The following EFCAB14 variants were observed in gnomAD, a reference collection of about 807,000 sequenced individuals.
EFCAB14 encodes EF-hand calcium-binding domain-containing protein 14.
A neutral mutation model predicts 56.5 loss-of-function variants in EFCAB14; 43 were observed. The ratio of observed to expected loss-of-function variants is 0.76; its 90% CI spans 0.60 to 0.98. The LOEUF is 0.98. EFCAB14 is among the 50% of genes least tolerant of loss of function. The pLI is 0.00. For missense variants in EFCAB14, 538 were observed against 580.3 expected, an observed-to-expected ratio of 0.93 and a Z score of 0.75; for synonymous variants, 235 against 212.9, an observed-to-expected ratio of 1.10 and a Z score of -0.90.
intron 5 of EFCAB14, among the ~76,000 whole-genome samples, chr1:46,690,368 T>C (rs920903390): frequency 3.9e-5 from 6 of 152,160 alleles, no homozygotes; most frequent in Admixed American, 3.3e-4. Flanking sequence ...GCACAAAGAA[T>C]GACAGTAGGA....
chr1:46,686,896 A>G (rs758174471), intron 7 of EFCAB14, 26 bp from the exon 8 acceptor site: 2 of 1,606,918 alleles, frequency 1.2e-6, no homozygotes, highest in Non-Finnish European at 1.7e-6. Flanking sequence ...AAAAACAAAC[A>G]AACAAAGGGA....
intron 2 of EFCAB14, among the ~76,000 whole-genome samples, chr1:46,712,947 G>C (rs1194057913): frequency 6.6e-6 from 1 of 152,010 alleles, no homozygotes; most frequent in Non-Finnish European, 1.5e-5. Context: ...CTGGGAGTTA[G>C]AGGTTGCAGT....
At chr1:46,697,237 C>T (rs17102444) in intron 3 of EFCAB14, among the ~76,000 whole-genome samples, 4,602 of 152,300 alleles carry the variant, frequency 0.03, 203 homozygotes, top group African/African-American at 0.1. Context: ...CAGAGCACTA[C>T]TTTGTATCCT....
Position 46,712,635 on chromosome 1 carries a change from C to T in EFCAB14, c.334+3660G>A, listed in dbSNP as rs76814549. Among the ~76,000 whole-genome samples, 520 of 152,184 alleles carry T rather than the reference C, an allele frequency of 3.4e-3. 3 individuals are homozygous for T. The highest frequency in any genetic ancestry group is 0.012 in the African/African-American group (504 of 41,528). On this transcript the variant is annotated intron_variant, in intron 2 of 10. Coordinates refer to ENST00000371933, the MANE Select transcript of EFCAB14 (RefSeq NM_014774.3). ...TGGATTTCTCAAAAAGGTATTAAAG[C>T]CAGACAAGCAGGTGGTCTTATCCAA...
At chr1:46,706,776 T>C (rs1382755591) in intron 3 of EFCAB14, among the ~76,000 whole-genome samples, 1 of 152,236 alleles carries the variant, frequency 6.6e-6, no homozygotes, top group Non-Finnish European at 1.5e-5. Flanking sequence ...CTGTAACTCA[T>C]GAATTATTTC....
chr1:46,681,015 G>C (rs995241810), intron 10 of EFCAB14, among the ~76,000 whole-genome samples: 16 of 151,438 alleles, frequency 1.1e-4, no homozygotes, highest in Admixed American at 7.9e-4. Context: ...CTGTCACCCA[G>C]GTTAGAGTGC....
At chr1:46,689,024 G>A (rs1352360025) in intron 6 of EFCAB14, among the ~76,000 whole-genome samples, 1 of 152,136 alleles carries the variant, frequency 6.6e-6, no homozygotes, top group Non-Finnish European at 1.5e-5. Context: ...AGTACTGATT[G>A]CTACTTTAAA....
At chr1:46,700,633 G>T (rs1425432338) in intron 3 of EFCAB14, among the ~76,000 whole-genome samples, 1 of 152,136 alleles carries the variant, frequency 6.6e-6, no homozygotes, top group Admixed American at 6.5e-5. Flanking sequence ...ATCAAAATTT[G>T]AAATGTTTAT....
chr1:46,690,359 C>T (rs772357613), intron 5 of EFCAB14, among the ~76,000 whole-genome samples: 7 of 152,076 alleles, frequency 4.6e-5, no homozygotes, highest in Admixed American at 2.0e-4. Flanking sequence ...ACTTATCTAG[C>T]ACAAAGAATG....
chr1:46,701,029 C>A (rs1351942257), intron 3 of EFCAB14, among the ~76,000 whole-genome samples: 2 of 139,842 alleles, frequency 1.4e-5, no homozygotes, highest in African/African-American at 5.5e-5. Flanking sequence ...GATGGGAACA[C>A]AGAGATGGGA....
chr1:46,717,838 C>T, intron 1 of EFCAB14, 65 bp downstream of exon 1: 2 of 1,528,998 alleles, frequency 1.3e-6, no homozygotes. Context: ...TCCTTCCTGT[C>T]AATGTGGCCC....
In EFCAB14 at chr1:46,684,526, GGTTT is replaced by G. The variant is rs867325139; in HGVS notation, c.1147_1150del (p.Lys383LeufsTer15). ...GGTCTCTGGAGGCCTGTTGCTCTCA[GGTTT>G]GTTTGTAAGAGCACTGATCAGCTGG... On this transcript the variant is annotated frameshift_variant, in exon 9 of 11. Transcript: ENST00000371933. LOFTEE classifies it high-confidence loss of function. The G allele has an allele frequency of 1.9e-6, 3 of 1,613,844 alleles. No homozygotes were observed. The highest frequency in any genetic ancestry group is 2.7e-5 in the African/African-American group (2 of 74,858).
intron 10 of EFCAB14, among the ~76,000 whole-genome samples, chr1:46,679,015 A>G (rs1676743809): frequency 6.6e-6 from 1 of 152,212 alleles, no homozygotes; most frequent in Non-Finnish European, 1.5e-5. Flanking sequence ...CTCTCTGTCC[A>G]GCGTCTTCCC....
rs1470378928 is a variant in EFCAB14, at chr1:46,677,103, G to C, written c.*1358C>G. ...TTCTAAGAACAACACAGCAATTCTA[G>C]ACTCAACATACAGGAGACATGGAGG... On this transcript the variant is annotated 3_prime_UTR_variant, in exon 11 of 11. Coordinates refer to ENST00000371933, the MANE Select transcript of EFCAB14 (RefSeq NM_014774.3). 1 of 152,542 alleles carries C rather than the reference G, an allele frequency of 6.6e-6. No individual in the cohort carries two copies. Among genetic ancestry groups the C allele is most frequent in the East Asian group, 1.9e-4 (1 of 5,192 alleles). 9.4% of individuals were successfully genotyped at this position (152,542 alleles called of 1,614,324 possible).
intron 6 of EFCAB14, 55 bp from the exon 7 acceptor site, chr1:46,688,599 G>T: frequency 6.8e-7 from 1 of 1,481,266 alleles, no homozygotes; most frequent in Non-Finnish European, 9.3e-7. Flanking sequence ...AATTAGACAA[G>T]CAGGCCAGCA....
At chr1:46,686,919 A>C (rs1157951203) in intron 7 of EFCAB14, 49 bp from the exon 8 acceptor site, 1 of 1,567,170 alleles carries the variant, frequency 6.4e-7, no homozygotes, top group Non-Finnish European at 8.8e-7. Flanking sequence ...ATTAAAGGCA[A>C]ACATTAAAAC....
At position 46,676,454 on chromosome 1, in the gene EFCAB14, A is replaced by C. The variant is rs1024244060; in HGVS notation, c.*2007T>G. On this transcript the variant is annotated 3_prime_UTR_variant, in exon 11 of 11. Transcript: ENST00000371933. ...TATGAATAAGAATTTGAAACTAAAA[A>C]GGACAAGCTACATTACCCTCAAGTA... is the stretch of plus-strand genomic sequence containing the variant. 6 of 152,684 alleles carry C rather than the reference A, an allele frequency of 3.9e-5. No homozygotes were observed. Among genetic ancestry groups the C allele is most frequent in the Admixed American group, 6.5e-5 (1 of 15,288 alleles). 9.5% of individuals were successfully genotyped at this position (152,684 alleles called of 1,614,324 possible).
At chr1:46,694,618 A>C (rs1422106720) in intron 4 of EFCAB14, among the ~76,000 whole-genome samples, 1 of 152,238 alleles carries the variant, frequency 6.6e-6, no homozygotes, top group Non-Finnish European at 1.5e-5. Context: ...GAACACTTTT[A>C]CACTGTTGGT....
chr1:46,696,698 A>G (rs775879655), intron 3 of EFCAB14, 49 bp from the exon 4 acceptor site: 1 of 1,543,672 alleles, frequency 6.5e-7, no homozygotes, highest in Non-Finnish European at 8.9e-7. Context: ...GAATTTGTAG[A>G]GGACACGTTA....
Sources: gnomAD v4.1 joint callset for allele counts (sites outside exome capture counted in the v4.1 genomes callset) on GRCh38, gnomAD v4.1.1 for gene constraint, MANE v1.5 for transcripts, NCBI Gene and HGNC (gene_info 2026-07-23, HGNC 2026-07-21) for gene names.